ILRUN: variants seen among roughly 807,000 people sequenced by gnomAD.
The protein encoded by ILRUN is protein ILRUN.
ILRUN carries 3 observed loss-of-function variants against 33.8 expected under a neutral mutation model. That is an observed-to-expected ratio of 0.09 (90% confidence interval 0.04 to 0.23). The LOEUF (loss-of-function observed/expected upper bound fraction) is 0.23. ILRUN is among the 10% of genes least tolerant of loss of function. The pLI is 1.00. For synonymous variants in ILRUN, 124 were observed against 138.9 expected (o/e 0.89, Z 0.75); for missense variants, 210 against 375.1 (o/e 0.56, Z 3.64).
chr6:34,603,505 G>A (rs1326082350), intron 4 of ILRUN, among the ~76,000 whole-genome samples: 3 of 151,946 alleles, frequency 2.0e-5, no homozygotes, highest in African/African-American at 7.2e-5. Context: ...CGTAGTGGCG[G>A]GCGCCTGTGG....
intron 1 of ILRUN, among the ~76,000 whole-genome samples, chr6:34,683,461 T>C (rs918865101): frequency 7.4e-4 from 85 of 114,516 alleles, no homozygotes; most frequent in Non-Finnish European, 1.1e-3. Flanking sequence ...TACATATATA[T>C]ACATATATAT....
chr6:34,689,366 A>G (rs934357675), intron 1 of ILRUN, among the ~76,000 whole-genome samples: 1 of 152,170 alleles, frequency 6.6e-6, no homozygotes, highest in Admixed American at 6.5e-5. Context: ...AATTAAATAA[A>G]TGAAAATAAA....
chr6:34,673,124 G>C (rs1392276328), intron 1 of ILRUN, among the ~76,000 whole-genome samples: 1 of 152,160 alleles, frequency 6.6e-6, no homozygotes, highest in African/African-American at 2.4e-5. Context: ...CAAAATCTGG[G>C]ATATCAGCTA....
intron 1 of ILRUN, among the ~76,000 whole-genome samples, chr6:34,677,875 G>A (rs1763269876): frequency 6.7e-6 from 1 of 150,046 alleles, no homozygotes; most frequent in African/African-American, 2.5e-5. Flanking sequence ...GTTAAGCCCA[G>A]GAGGTCGAGG....
chr6:34,622,939 T>C (rs1233733488), intron 3 of ILRUN, among the ~76,000 whole-genome samples: 9 of 152,228 alleles, frequency 5.9e-5, no homozygotes, highest in Admixed American at 3.9e-4. Context: ...GAAATTCTGA[T>C]ACATGCTATA....
At chr6:34,644,290 T>G (rs184653344) in intron 3 of ILRUN, among the ~76,000 whole-genome samples, 1 of 152,240 alleles carries the variant, frequency 6.6e-6, no homozygotes, top group African/African-American at 2.4e-5. Flanking sequence ...TGGTAGCATG[T>G]ATTTTAAAAA....
At chr6:34,653,390 C>G (rs144975629) in intron 2 of ILRUN, among the ~76,000 whole-genome samples, 8 of 151,814 alleles carry the variant, frequency 5.3e-5, no homozygotes, top group South Asian at 2.1e-4. Flanking sequence ...AACACCATAC[C>G]CGGTTAATTT....
At position 34,655,036 on chromosome 6, in the gene ILRUN, C is replaced by T. The variant is rs139650060; in HGVS notation, c.159-257G>A. The stretch of plus-strand genomic sequence containing the variant: ...TCAGCAACAGTATGAGGAAATCTCC[C>T]TTATTACCCACAGGAAAACAAGAAT... On this transcript the variant is annotated intron_variant, in intron 1 of 4. Transcript: ENST00000374023. Among the ~76,000 whole-genome samples, 3 of 152,236 alleles carry T rather than the reference C, an allele frequency of 2.0e-5. No individual in the cohort carries two copies. The East Asian group carries it at 5.8e-4, about 29-fold the overall frequency.
At chr6:34,612,908 T>C (rs529435455) in intron 3 of ILRUN, among the ~76,000 whole-genome samples, 120 of 152,230 alleles carry the variant, frequency 7.9e-4, no homozygotes, top group Non-Finnish European at 1.3e-3. Flanking sequence ...CCGGGCATGG[T>C]GGTGGGCACC....
At chr6:34,670,844 CAAAAAAAAAA>C in intron 1 of ILRUN, among the ~76,000 whole-genome samples, 1 of 58,562 alleles carries the variant, frequency 1.7e-5, no homozygotes, top group East Asian at 3.4e-4. Context: ...GACCCTGTCT[CAAAAAAAAAA>C]AAAAAAAAGA....
At chr6:34,663,847 C>T (rs1387982413) in intron 1 of ILRUN, among the ~76,000 whole-genome samples, 4 of 152,222 alleles carry the variant, frequency 2.6e-5, no homozygotes, top group East Asian at 1.9e-4. Flanking sequence ...TAAGTTATAT[C>T]GCAAAGAGGA....
chr6:34,678,840 A>G (rs1200328640), intron 1 of ILRUN, among the ~76,000 whole-genome samples: 2 of 136,930 alleles, frequency 1.5e-5, no homozygotes, highest in Non-Finnish European at 3.3e-5. Context: ...CCGTCTCAAA[A>G]AAAAAAAAAA....
intron 4 of ILRUN, among the ~76,000 whole-genome samples, chr6:34,601,694 C>T (rs1037018572): frequency 6.2e-5 from 9 of 145,360 alleles, no homozygotes; most frequent in African/African-American, 2.4e-4. Context: ...TCCAAACCTC[C>T]TCCAGTACCC....
chr6:34,606,163 A>G (rs36032186), intron 4 of ILRUN, among the ~76,000 whole-genome samples: 24,372 of 152,200 alleles, frequency 0.16, 2,638 homozygotes, highest in African/African-American at 0.3. Flanking sequence ...TCGATGGGCC[A>G]TAAGGACTGA....
At chr6:34,643,299 CAAA>C (rs879685019) in intron 3 of ILRUN, among the ~76,000 whole-genome samples, 1 of 111,372 alleles carries the variant, frequency 9.0e-6, no homozygotes, top group African/African-American at 3.3e-5. Context: ...GGACCCATCT[CAAA>C]AAAAAAAAAA....
chr6:34,675,413 C>T (rs1763207240), intron 1 of ILRUN, among the ~76,000 whole-genome samples: 1 of 152,032 alleles, frequency 6.6e-6, no homozygotes, highest in Non-Finnish European at 1.5e-5. Flanking sequence ...AATGGGAAAA[C>T]TGACTAATCA....
chr6:34,680,321 C>T (rs1332929556), intron 1 of ILRUN, among the ~76,000 whole-genome samples: 1 of 152,170 alleles, frequency 6.6e-6, no homozygotes, highest in African/African-American at 2.4e-5. Flanking sequence ...GTACAACACA[C>T]ACACAAAATA....
chr6:34,614,431 T>TAATA (rs1265306959), intron 3 of ILRUN, among the ~76,000 whole-genome samples: 8 of 113,974 alleles, frequency 7.0e-5, no homozygotes, highest in African/African-American at 1.4e-4. Context: ...CAAAAAATAA[T>TAATA]AAAAAAAAAA....
intron 1 of ILRUN, among the ~76,000 whole-genome samples, chr6:34,692,910 A>G (rs1285159339): frequency 6.6e-6 from 1 of 152,072 alleles, no homozygotes; most frequent in Non-Finnish European, 1.5e-5. Context: ...AATTAAATAA[A>G]AAGTAAAAAA....
Sources: gnomAD v4.1 joint callset for allele counts (sites outside exome capture counted in the v4.1 genomes callset) on GRCh38, gnomAD v4.1.1 for gene constraint, MANE v1.5 for transcripts, NCBI Gene and HGNC (gene_info 2026-07-23, HGNC 2026-07-21) for gene names.